Variants in FOCAD observed in about 807,000 individuals in gnomAD.
The protein encoded by FOCAD is focadhesin.
Under a neutral mutation model 225.6 loss-of-function variants are expected in FOCAD, and 198 were observed. The observed-to-expected ratio is 0.88, with a 90% confidence interval of 0.78 to 0.99. The LOEUF is 0.99. FOCAD is among the 50% of genes least tolerant of loss of function. The pLI is 0.00. For missense variants in FOCAD, 2,713 were observed against 2,123.6 expected, an observed-to-expected ratio of 1.28 and a Z score of -5.46; for synonymous variants, 897 against 755.0, an observed-to-expected ratio of 1.19 and a Z score of -3.08.
At chr9:20,738,290 T>A (rs1469779408) in intron 4 of FOCAD, among the ~76,000 whole-genome samples, 1 of 152,230 alleles carries the variant, frequency 6.6e-6, no homozygotes, top group East Asian at 1.9e-4. Context: ...TCAGACTTTC[T>A]TGAGGCAATT....
chr9:20,783,563 C>G (rs1819617488), intron 10 of FOCAD, among the ~76,000 whole-genome samples: 2 of 150,566 alleles, frequency 1.3e-5, no homozygotes, highest in Non-Finnish European at 3.0e-5. Flanking sequence ...CTCCCTGAGT[C>G]AAGATTATTT....
At chr9:20,765,757 G>T (rs961486698) in intron 7 of FOCAD, among the ~76,000 whole-genome samples, 1 of 152,158 alleles carries the variant, frequency 6.6e-6, no homozygotes, top group African/African-American at 2.4e-5. Context: ...AGTTGCCCAG[G>T]TGTTGTGATT....
intron 2 of FOCAD, among the ~76,000 whole-genome samples, chr9:20,665,981 G>A (rs991211175): frequency 6.6e-6 from 1 of 152,012 alleles, no homozygotes; most frequent in African/African-American, 2.4e-5. Context: ...TGCAACCTCC[G>A]CCTTCCAGGT....
At chr9:20,841,271 C>A (rs1393263316) in intron 15 of FOCAD, among the ~76,000 whole-genome samples, 1 of 151,810 alleles carries the variant, frequency 6.6e-6, no homozygotes. Flanking sequence ...TCTGTGTCCC[C>A]TATTTTTTGT....
intron 15 of FOCAD, among the ~76,000 whole-genome samples, chr9:20,850,684 C>T (rs935839200): frequency 6.6e-6 from 1 of 151,478 alleles, no homozygotes; most frequent in African/African-American, 2.4e-5. Context: ...TTTCTTTTAT[C>T]ATATATGATT....
rs142793777 is a variant in FOCAD at position 20,692,136 on chromosome 9, G to A, written c.-33+7843G>A. Among the ~76,000 whole-genome samples, 422 of 152,122 alleles carry A rather than the reference G, an allele frequency of 2.8e-3. 4 individuals carry two copies. Among genetic ancestry groups the A allele is most frequent in the African/African-American group, 9.7e-3 (402 of 41,480 alleles). ...CGCCTTCCCTTGAACTCCTGACTCC[G>A]TATATCCAGTGACTACTCAGCATTT... is the stretch of plus-strand genomic sequence containing the variant. On this transcript the variant is annotated intron_variant, in intron 1 of 43. Coordinates refer to ENST00000338382, the MANE Select transcript of FOCAD (RefSeq NM_001375567.1).
At chr9:20,875,893 T>C (rs1830185878) in intron 19 of FOCAD, 1 of 152,216 alleles carries the variant, frequency 6.6e-6, no homozygotes, top group South Asian at 2.1e-4. Context: ...GTTACAATTC[T>C]ACTTTGAATG....
intron 35 of FOCAD, among the ~76,000 whole-genome samples, chr9:20,960,655 T>C (rs150324707): frequency 4.5e-4 from 68 of 152,198 alleles, no homozygotes; most frequent in Non-Finnish European, 8.1e-4. Flanking sequence ...TACATATGTA[T>C]ACATGTGCCA....
chr9:20,789,697 C>T (rs1587170169), intron 11 of FOCAD, 89 bp downstream of exon 11: 2 of 1,477,786 alleles, frequency 1.4e-6, no homozygotes, highest in Non-Finnish European at 1.8e-6. Flanking sequence ...TTATTTGCAT[C>T]AGAGTTTTAA....
chr9:20,671,134 A>G, intron 2 of FOCAD, among the ~76,000 whole-genome samples: 1 of 152,194 alleles, frequency 6.6e-6, no homozygotes, highest in East Asian at 1.9e-4. Context: ...AATATAAATG[A>G]CGGATTGTGT....
At chr9:20,750,551 A>C (rs929015933) in intron 5 of FOCAD, among the ~76,000 whole-genome samples, 5 of 152,174 alleles carry the variant, frequency 3.3e-5, no homozygotes, top group African/African-American at 1.2e-4. Context: ...TGAAGGAGAC[A>C]TTAGAGGCAC....
intron 21 of FOCAD, 108 bp downstream of exon 21, chr9:20,885,338 T>C (rs1831023159): frequency 1.6e-6 from 2 of 1,212,232 alleles, no homozygotes; most frequent in Non-Finnish European, 2.1e-6. Context: ...TTAATGTAAG[T>C]TGCTTTTAAA....
intron 5 of FOCAD, 40 bp from the exon 6 acceptor site, chr9:20,758,050 C>G: frequency 2.1e-6 from 3 of 1,416,356 alleles, no homozygotes; most frequent in Non-Finnish European, 2.9e-6. Context: ...ATGTGTAGTC[C>G]TGAATAACAG....
intron 2 of FOCAD, among the ~76,000 whole-genome samples, chr9:20,717,033 G>T (rs1330900029): frequency 6.6e-6 from 1 of 152,160 alleles, no homozygotes; most frequent in Non-Finnish European, 1.5e-5. Context: ...CTATCCATGG[G>T]TGCTCAGTTC....
chr9:20,791,393 A>G (rs1449814157), intron 11 of FOCAD, among the ~76,000 whole-genome samples: 2 of 152,164 alleles, frequency 1.3e-5, no homozygotes, highest in Non-Finnish European at 2.9e-5. Context: ...ATACAGAGTG[A>G]TATTTTGATA....
At chr9:20,897,683 A>G (rs1204909762) in intron 21 of FOCAD, among the ~76,000 whole-genome samples, 2 of 151,816 alleles carry the variant, frequency 1.3e-5, no homozygotes, top group African/African-American at 4.8e-5. Context: ...CATTCCTTGT[A>G]TCATTGCTGT....
At chr9:20,804,242 A>T (rs1822166933) in intron 11 of FOCAD, among the ~76,000 whole-genome samples, 1 of 151,998 alleles carries the variant, frequency 6.6e-6, no homozygotes, top group African/African-American at 2.4e-5. Context: ...ATGAAATATC[A>T]TGAAGCAAAA....
intron 35 of FOCAD, among the ~76,000 whole-genome samples, chr9:20,960,104 T>C (rs988333167): frequency 9.9e-5 from 15 of 152,212 alleles, no homozygotes; most frequent in Non-Finnish European, 2.2e-4. Context: ...TCTGCACTTA[T>C]TTATTGGTCT....
intron 18 of FOCAD, among the ~76,000 whole-genome samples, chr9:20,867,567 T>C (rs1222819799): frequency 1.3e-5 from 2 of 152,090 alleles, no homozygotes; most frequent in Admixed American, 6.6e-5. Context: ...CATGATTGTA[T>C]ATTATCTTAG....
Sources: gnomAD v4.1 joint callset for allele counts (sites outside exome capture counted in the v4.1 genomes callset) on GRCh38, gnomAD v4.1.1 for gene constraint, MANE v1.5 for transcripts, NCBI Gene and HGNC (gene_info 2026-07-23, HGNC 2026-07-21) for gene names.